SDK1: variants seen among roughly 807,000 people sequenced by gnomAD.
SDK1 encodes sidekick cell adhesion molecule 1.
A neutral mutation model predicts 245.5 loss-of-function variants in SDK1; 157 were observed. The observed-to-expected ratio is 0.64, with a 90% confidence interval of 0.56 to 0.73. The LOEUF is 0.73. Among genes scored for constraint, SDK1 ranks in the 30% least tolerant of loss-of-function variants. SDK1 has a pLI of 0.00. For synonymous variants in SDK1, 1,647 were observed against 1,278.5 expected, an observed-to-expected ratio of 1.29 and a Z score of -6.15; for missense variants, 3,583 against 3,002.3, an observed-to-expected ratio of 1.19 and a Z score of -4.52.
chr7:3,990,503 A>G (rs1784217928), intron 14 of SDK1, among the ~76,000 whole-genome samples: 1 of 152,238 alleles, frequency 6.6e-6, no homozygotes, highest in Non-Finnish European at 1.5e-5. Flanking sequence ...GAGTTTCCTG[A>G]GGATGGCGTG....
At chr7:3,330,620 A>G (rs565474791) in intron 1 of SDK1, among the ~76,000 whole-genome samples, 4 of 152,216 alleles carry the variant, frequency 2.6e-5, no homozygotes, top group Admixed American at 6.5e-5. Context: ...TGCCAGTGCC[A>G]TGGTCTTGGA....
intron 1 of SDK1, among the ~76,000 whole-genome samples, chr7:3,385,490 C>T (rs908964024): frequency 3.3e-5 from 5 of 151,906 alleles, no homozygotes; most frequent in Admixed American, 6.6e-5. Context: ...TTAAAAACTT[C>T]CATCCTTTTT....
At chr7:3,355,996 C>T (rs1049855120) in intron 1 of SDK1, among the ~76,000 whole-genome samples, 2 of 152,170 alleles carry the variant, frequency 1.3e-5, no homozygotes, top group African/African-American at 2.4e-5. Flanking sequence ...ATGAGGACTG[C>T]ACTGAACAAA....
Position 4,017,203 on chromosome 7 carries a change from A to T in SDK1, c.2453A>T (p.Gln818Leu). The T allele has an allele frequency of 6.2e-7, 1 of 1,613,764 alleles. No individual in the cohort carries two copies. The highest frequency in any genetic ancestry group is 8.5e-7 in the Non-Finnish European group (1 of 1,179,806). ...CTGGCTGGCCTTCCCGGAGAGTACC[A>T]GCAGCGGAACATCACCAGCCCGGAG... ...YRLAGLPGEY[Q>L]QRNITSPEVN... The change falls in exon 17 of 45, where the codon CAG (glutamine) becomes CTG (leucine). Residue 818 changes from glutamine to leucine, a missense_variant. By Grantham distance (113) the Gln-to-Leu change is moderately radical (BLOSUM62 -2). Transcript: ENST00000404826.
chr7:4,173,392 C>T (rs1188308337), intron 32 of SDK1, among the ~76,000 whole-genome samples: 4 of 152,126 alleles, frequency 2.6e-5, no homozygotes, highest in Non-Finnish European at 4.4e-5. Context: ...AAACAGAAAC[C>T]GACTGAAGGA....
At chr7:4,189,602 C>G (rs1430204525) in intron 35 of SDK1, among the ~76,000 whole-genome samples, 1 of 152,192 alleles carries the variant, frequency 6.6e-6, no homozygotes, top group African/African-American at 2.4e-5. Context: ...GTAATCCTAG[C>G]ACTTTGAGAG....
intron 1 of SDK1, among the ~76,000 whole-genome samples, chr7:3,311,192 G>A (rs1185558798): frequency 6.6e-5 from 10 of 152,100 alleles, no homozygotes; most frequent in African/African-American, 2.4e-5. Context: ...GGGCCTGGGG[G>A]GAGAGTAGAG....
chr7:3,933,528 T>C (rs1272352396), intron 5 of SDK1, among the ~76,000 whole-genome samples: 2 of 152,170 alleles, frequency 1.3e-5, no homozygotes, highest in African/African-American at 4.8e-5. Flanking sequence ...TTTTGGAACA[T>C]TGAGTAGTCT....
At chr7:4,052,282 C>T (rs1178440155) in intron 19 of SDK1, among the ~76,000 whole-genome samples, 5 of 148,700 alleles carry the variant, frequency 3.4e-5, no homozygotes, top group African/African-American at 7.4e-5. Context: ...CTGGTCAGTT[C>T]GAAGCCACTC....
At chr7:3,642,408 T>C (rs1583261829) in intron 4 of SDK1, among the ~76,000 whole-genome samples, 1 of 152,320 alleles carries the variant, frequency 6.6e-6, no homozygotes, top group Middle Eastern at 3.4e-3. Flanking sequence ...TAAGATGTCA[T>C]TGTCATCCCT....
chr7:4,152,810 T>G (rs1242047793), intron 30 of SDK1, among the ~76,000 whole-genome samples: 2 of 152,172 alleles, frequency 1.3e-5, no homozygotes, highest in African/African-American at 4.8e-5. Flanking sequence ...CCAGAAAACA[T>G]TAAGAGTTTA....
intron 4 of SDK1, among the ~76,000 whole-genome samples, chr7:3,723,890 ACACGTG>A (rs1778916583): frequency 1.4e-5 from 2 of 138,006 alleles, no homozygotes; most frequent in Non-Finnish European, 3.1e-5. Flanking sequence ...ATATATATAT[ACACGTG>A]TATATACACG....
intron 1 of SDK1, among the ~76,000 whole-genome samples, chr7:3,322,228 T>A (rs552207552): frequency 6.6e-4 from 100 of 152,272 alleles, no homozygotes; most frequent in Non-Finnish European, 1.2e-3. Flanking sequence ...TTCTGAATAT[T>A]TTATATACAG....
At chr7:3,902,859 G>C (rs903575482) in intron 5 of SDK1, among the ~76,000 whole-genome samples, 7 of 151,808 alleles carry the variant, frequency 4.6e-5, no homozygotes, top group Non-Finnish European at 1.0e-4. Flanking sequence ...CAGAATGACA[G>C]AAAAAATTGC....
chr7:3,930,050 C>T (rs564319671), intron 5 of SDK1, among the ~76,000 whole-genome samples: 2 of 152,264 alleles, frequency 1.3e-5, no homozygotes, highest in Non-Finnish European at 2.9e-5. Flanking sequence ...TCAGCCCACC[C>T]AGCACAGAAC....
intron 1 of SDK1, among the ~76,000 whole-genome samples, chr7:3,383,221 G>T (rs1180771232): frequency 1.3e-5 from 2 of 152,098 alleles, no homozygotes; most frequent in African/African-American, 4.8e-5. Context: ...GACCAGCCTG[G>T]GCAATAGTGA....
Position 4,220,045 on chromosome 7 carries a change from A to G in SDK1, c.5540-64A>G, listed in dbSNP as rs530792467. 69 of 1,560,548 alleles carry G rather than the reference A, an allele frequency of 4.4e-5. 1 individual carries two copies. In the East Asian group the frequency reaches 1.4e-3, roughly 31 times the overall value. On this transcript the variant is annotated intron_variant, in intron 38 of 44. Transcript: ENST00000404826. ...ACTTTCCTTGTTATCGCAACAGAAC[A>G]GACAGTGGACAGTTGCTTCTCCAGG...
intron 1 of SDK1, among the ~76,000 whole-genome samples, chr7:3,598,457 A>T (rs1015013066): frequency 1.3e-5 from 2 of 152,176 alleles, no homozygotes; most frequent in Non-Finnish European, 2.9e-5. Context: ...ATACACAGAG[A>T]TCCCGTGTAC....
intron 4 of SDK1, among the ~76,000 whole-genome samples, chr7:3,673,955 G>C (rs1476002232): frequency 6.6e-6 from 1 of 152,130 alleles, no homozygotes; most frequent in African/African-American, 2.4e-5. Flanking sequence ...ATTTGATTAA[G>C]AATAAGAGAT....
Sources: allele counts gnomAD v4.1 joint callset (sites outside exome capture counted in the v4.1 genomes callset), GRCh38; gene constraint gnomAD v4.1.1; transcripts MANE v1.5; gene names NCBI Gene and HGNC (gene_info 2026-07-23, HGNC 2026-07-21).